NEK11: variants seen among roughly 807,000 people sequenced by gnomAD.
The protein encoded by NEK11 is NIMA related kinase 11, also known as serine/threonine-protein kinase Nek11.
In NEK11, 72 loss-of-function variants were observed where a neutral mutation model predicts 80.7. The ratio of observed to expected loss-of-function variants is 0.89; its 90% CI spans 0.74 to 1.08. The LOEUF is 1.08. Ranked by LOEUF, NEK11 falls within the 50% of genes least tolerant of loss-of-function variation. The pLI, the probability that NEK11 is intolerant of heterozygous loss-of-function variation, is 0.00. For synonymous variants in NEK11, 251 were observed against 260.7 expected (o/e 0.96, Z 0.36); for missense variants, 764 against 763.6 (o/e 1.00, Z -0.01).
chr3:131,080,039 T>TTGTCTG (rs1553850211), intron 3 of NEK11, among the ~76,000 whole-genome samples: 1 of 148,852 alleles, frequency 6.7e-6, no homozygotes, highest in African/African-American at 2.5e-5. Context: ...GTGTGTGTGT[T>TTGTCTG]TGTGTGTGTG....
At chr3:131,244,996 G>A (rs2095575672) in intron 16 of NEK11, among the ~76,000 whole-genome samples, 1 of 151,974 alleles carries the variant, frequency 6.6e-6, no homozygotes, top group South Asian at 2.1e-4. Flanking sequence ...CAGATATATT[G>A]CACAGTGGTA....
chr3:131,266,975 G>C (rs927466843), intron 16 of NEK11, among the ~76,000 whole-genome samples: 1 of 152,040 alleles, frequency 6.6e-6, no homozygotes, highest in African/African-American at 2.4e-5. Context: ...ATCTTTGTTG[G>C]TTTAAAGTCT....
rs561856874 is a variant in NEK11 at position 131,202,171 on chromosome 3, C to T, written c.1400-26357C>T. 2.0e-5 allele frequency among the ~76,000 whole-genome samples: 3 copies of T among 152,280 alleles called. No homozygotes were observed. In the East Asian group the frequency reaches 5.8e-4, roughly 29 times the overall value. On this transcript the variant is annotated intron_variant, in intron 14 of 17. Coordinates refer to ENST00000383366, the MANE Select transcript of NEK11 (RefSeq NM_024800.5). ...AACAGCTCTGGTTTGCAGGTCCCAG[C>T]ATGATCAACGCAGAAGACAGGTGAT...
chr3:131,291,183 T>C lies in NEK11; in HGVS notation c.1718+17609T>C, dbSNP rs370112739. ...GGAATGTCATATAGTTGTAATGATATAGTATGTGCCCCTTTTCAGTTTGGC... is the reference window on the plus strand; with the variant it reads ...GGAATGTCATATAGTTGTAATGATACAGTATGTGCCCCTTTTCAGTTTGGC... On this transcript the variant is annotated intron_variant, in intron 17 of 17. Transcript: ENST00000383366. 1.1e-3 allele frequency among the ~76,000 whole-genome samples: 170 copies of C among 152,358 alleles called. 8 individuals carry two copies. In the South Asian group the frequency reaches 0.033, roughly 29 times the overall value.
intron 16 of NEK11, among the ~76,000 whole-genome samples, chr3:131,252,073 A>AT (rs977144463): frequency 2.6e-5 from 4 of 152,046 alleles, no homozygotes; most frequent in African/African-American, 9.7e-5. Context: ...TTCCTATTAC[A>AT]TTTTTGGGAG....
At chr3:131,116,444 ATG>A (rs2081246542) in intron 5 of NEK11, among the ~76,000 whole-genome samples, 1 of 152,178 alleles carries the variant, frequency 6.6e-6, no homozygotes. Flanking sequence ...ATACGTGTGC[ATG>A]TGTCTTTATA....
intron 4 of NEK11, among the ~76,000 whole-genome samples, chr3:131,094,783 C>A (rs1184937988): frequency 5.9e-5 from 9 of 152,134 alleles, no homozygotes; most frequent in African/African-American, 2.2e-4. Flanking sequence ...AATGTATCAT[C>A]TGAGTGTTTT....
intron 3 of NEK11, among the ~76,000 whole-genome samples, chr3:131,055,172 C>T (rs527765952): frequency 1.1e-4 from 17 of 152,114 alleles, no homozygotes; most frequent in African/African-American, 1.7e-4. Flanking sequence ...AATAGAGACG[C>T]GGTTTATATC....
chr3:131,182,617 C>T (rs1426167940), intron 14 of NEK11, among the ~76,000 whole-genome samples: 1 of 152,146 alleles, frequency 6.6e-6, no homozygotes, highest in African/African-American at 2.4e-5. Context: ...CTTCATTTGT[C>T]TGAATTTTTT....
intron 17 of NEK11, among the ~76,000 whole-genome samples, chr3:131,286,103 A>T (rs2096466822): frequency 6.6e-6 from 1 of 152,256 alleles, no homozygotes; most frequent in Non-Finnish European, 1.5e-5. Context: ...GCCATTCTGC[A>T]GGCCCTGACT....
chr3:131,296,648 ATTTAT>A lies in NEK11; in HGVS notation c.1718+23091_1718+23095del, dbSNP rs547401517. 6.1e-4 allele frequency among the ~76,000 whole-genome samples: 92 copies of A among 151,992 alleles called. 2 individuals carry two copies. In the South Asian group the frequency reaches 0.014, roughly 23 times the overall value. ...ACACGACTTTCATTTTACTTGCATG[ATTTAT>A]TTTATTTTATTTTATTATTATTATA... On this transcript the variant is annotated intron_variant, in intron 17 of 17. Coordinates refer to ENST00000383366, the MANE Select transcript of NEK11 (RefSeq NM_024800.5).
intron 3 of NEK11, 39 bp downstream of exon 3, chr3:131,029,917 C>T: frequency 6.3e-7 from 1 of 1,596,482 alleles, no homozygotes; most frequent in Middle Eastern, 1.7e-4. Context: ...GAGTAGGCTG[C>T]TTTTTGTTTG....
chr3:131,195,838 A>G (rs1191803743), intron 14 of NEK11, among the ~76,000 whole-genome samples: 1 of 146,650 alleles, frequency 6.8e-6, no homozygotes, highest in Non-Finnish European at 1.5e-5. Context: ...AGAAATTTTT[A>G]TACACCCTAT....
At chr3:131,349,291 T>C (rs143358537) in intron 17 of NEK11, among the ~76,000 whole-genome samples, 2 of 152,282 alleles carry the variant, frequency 1.3e-5, no homozygotes, top group Non-Finnish European at 2.9e-5. Flanking sequence ...TATATATATA[T>C]ACACACACAA....
At chr3:131,103,379 G>A (rs2078690643) in intron 4 of NEK11, among the ~76,000 whole-genome samples, 1 of 152,214 alleles carries the variant, frequency 6.6e-6, no homozygotes, top group African/African-American at 2.4e-5. Flanking sequence ...GCTCTATGCA[G>A]CTTCTTTATT....
intron 17 of NEK11, among the ~76,000 whole-genome samples, chr3:131,314,046 T>C (rs1339539157): frequency 4.6e-5 from 7 of 152,236 alleles, no homozygotes. Flanking sequence ...TGTTTAACTA[T>C]ACCCAGTATT....
At chr3:131,242,842 T>A (rs2095539547) in intron 15 of NEK11, among the ~76,000 whole-genome samples, 1 of 152,194 alleles carries the variant, frequency 6.6e-6, no homozygotes, top group African/African-American at 2.4e-5. Flanking sequence ...TTATTTTGTA[T>A]TGAAGACAAT....
At chr3:131,235,856 G>A (rs2095422331) in intron 15 of NEK11, among the ~76,000 whole-genome samples, 4 of 152,170 alleles carry the variant, frequency 2.6e-5, no homozygotes, top group Admixed American at 2.6e-4. Flanking sequence ...CAACTATTAG[G>A]AATTTGGAGT....
chr3:131,309,892 G>C (rs988372791), intron 17 of NEK11, among the ~76,000 whole-genome samples: 3 of 149,910 alleles, frequency 2.0e-5, no homozygotes, highest in African/African-American at 7.3e-5. Flanking sequence ...AGGAGGCTGA[G>C]GCAGGAGGAT....
Sources: gnomAD v4.1 joint callset for allele counts (sites outside exome capture counted in the v4.1 genomes callset) on GRCh38, gnomAD v4.1.1 for gene constraint, MANE v1.5 for transcripts, NCBI Gene and HGNC (gene_info 2026-07-23, HGNC 2026-07-21) for gene names.